The following SYCP2L variants were observed in gnomAD, a reference collection of about 807,000 sequenced individuals.
SYCP2L encodes synaptonemal complex protein 2-like.
A neutral mutation model predicts 125.8 loss-of-function variants in SYCP2L; 98 were observed. That is an observed-to-expected ratio of 0.78 (90% CI 0.66 to 0.92). SYCP2L has a LOEUF of 0.92. Among genes scored for constraint, SYCP2L ranks in the 40% least tolerant of loss-of-function variants. The pLI, the probability that SYCP2L is intolerant of heterozygous loss-of-function variation, is 0.00. For missense variants in SYCP2L, 842 were observed against 936.4 expected, an observed-to-expected ratio of 0.90 and a Z score of 1.32; for synonymous variants, 317 against 325.4, an observed-to-expected ratio of 0.97 and a Z score of 0.28.
At chr6:10,901,878 A>G (rs746855629) in intron 6 of SYCP2L, among the ~76,000 whole-genome samples, 30 of 152,372 alleles carry the variant, frequency 2.0e-4, no homozygotes, top group South Asian at 1.0e-3. Context: ...CTGCAGCCCA[A>G]AATTTCAGTT....
intron 14 of SYCP2L, among the ~76,000 whole-genome samples, chr6:10,920,506 C>T (rs536651725): frequency 2.4e-4 from 36 of 152,286 alleles, no homozygotes; most frequent in Middle Eastern, 3.4e-3. Context: ...CGTGAGACAC[C>T]GTGCCTGGCC....
intron 20 of SYCP2L, among the ~76,000 whole-genome samples, chr6:10,933,228 C>T (rs551359318): frequency 1.3e-5 from 2 of 152,142 alleles, no homozygotes; most frequent in African/African-American, 4.8e-5. Flanking sequence ...CTGTAAAGGG[C>T]CAGATAGTAA....
At chr6:10,906,085 A>G (rs751251434) in intron 9 of SYCP2L, 31 bp downstream of exon 9, 2 of 1,394,990 alleles carry the variant, frequency 1.4e-6, no homozygotes, top group Non-Finnish European at 1.0e-6. Flanking sequence ...CAGTATTAGA[A>G]TATTAAATAT....
chr6:10,956,488 T>C (rs1241113622), intron 25 of SYCP2L, among the ~76,000 whole-genome samples: 1 of 152,192 alleles, frequency 6.6e-6, no homozygotes, highest in Non-Finnish European at 1.5e-5. Flanking sequence ...ACATACAGCA[T>C]GGTGACTATA....
At position 10,930,447 on chromosome 6, in the gene SYCP2L, C is replaced by T. The variant is rs752503898; in HGVS notation, c.1566C>T (p.Asn522=). The change falls in exon 19 of 30, where the codon AAC becomes AAT. Residue 522 remains asparagine, a synonymous_variant. Transcript: ENST00000283141. ...CCAGTGAACTATCTTGGACCAGTAACCAGAAAAAGAAATCCCTAAAATCAT... is the reference window on the plus strand; with the variant it reads ...CCAGTGAACTATCTTGGACCAGTAATCAGAAAAAGAAATCCCTAAAATCAT... ...SSTSELSWTS[N]QKKKSLKSYS... 10 of 1,613,508 alleles carry T rather than the reference C, an allele frequency of 6.2e-6. No homozygotes were observed. Among genetic ancestry groups the T allele is most frequent in the South Asian group, 4.4e-5 (4 of 90,996 alleles).
Position 10,901,805 on chromosome 6 carries a change from C to T in SYCP2L, c.467-872C>T, listed in dbSNP as rs140101056. Among the ~76,000 whole-genome samples the T allele has an allele frequency of 5.3e-3, 803 of 152,336 alleles. 4 individuals are homozygous for T. The highest frequency in any genetic ancestry group is 9.0e-3 in the Non-Finnish European group (615 of 68,034). On this transcript the variant is annotated intron_variant, in intron 6 of 29. Coordinates refer to ENST00000283141, the MANE Select transcript of SYCP2L (RefSeq NM_001040274.3). ...TTAAATGATAAAGACAACTTACTGG[C>T]TCAAGGGACTGAAAAGTCTAGAGGT...
chr6:10,910,109 AT>A (rs201884159), intron 10 of SYCP2L, 38 bp from the exon 11 acceptor site: 243 of 1,553,764 alleles, frequency 1.6e-4, no homozygotes, highest in Non-Finnish European at 1.7e-4. Flanking sequence ...AGACATCTTG[AT>A]TTTTTTTTAA....
chr6:10,949,354 T>A (rs145148754), intron 23 of SYCP2L, among the ~76,000 whole-genome samples: 2 of 152,304 alleles, frequency 1.3e-5, no homozygotes, highest in African/African-American at 4.8e-5. Flanking sequence ...TTTTTATGTA[T>A]TTTTTAAAAC....
intron 4 of SYCP2L, among the ~76,000 whole-genome samples, chr6:10,897,052 T>C (rs1780269656): frequency 6.6e-6 from 1 of 150,444 alleles, no homozygotes; most frequent in Non-Finnish European, 1.5e-5. Context: ...TTTTTTTTTT[T>C]CTAAGAGTGA....
At position 10,942,721 on chromosome 6, in the gene SYCP2L, T is replaced by A; in HGVS notation, c.1929T>A (p.His643Gln). The change falls in exon 23 of 30, where the codon CAT (histidine) becomes CAA (glutamine). Residue 643 changes from histidine to glutamine, a missense_variant. His to Gln is a conservative substitution (Grantham distance 24). Transcript: ENST00000283141. Reference sequence around the variant, plus strand: ...TAACAGAAAGTACTAGCTTGAAACATAAGCTGAGAAACTTGGAAGACAAAG... The same window carrying A: ...TAACAGAAAGTACTAGCTTGAAACAAAAGCTGAGAAACTTGGAAGACAAAG... ...ESLTESTSLK[H>Q]KLRNLEDKDI... The A allele has an allele frequency of 6.2e-7, 1 of 1,612,138 alleles. No individual in the cohort carries two copies. Among genetic ancestry groups the A allele is most frequent in the Non-Finnish European group, 8.5e-7 (1 of 1,179,448 alleles).
intron 12 of SYCP2L, among the ~76,000 whole-genome samples, chr6:10,911,527 G>C (rs1780605978): frequency 6.6e-6 from 1 of 152,146 alleles, no homozygotes; most frequent in East Asian, 1.9e-4. Context: ...GCCTCTCAGA[G>C]CTAAACTTTC....
In SYCP2L at chr6:10,893,884, G is replaced by T; in HGVS notation, c.96G>T (p.Thr32=). 1 of 1,609,022 alleles carries T rather than the reference G, an allele frequency of 6.2e-7. No homozygotes were observed. Among genetic ancestry groups the T allele is most frequent in the Non-Finnish European group, 8.5e-7 (1 of 1,179,022 alleles). ...DDAFWLQSLI[T]DAFHDKGFQK... Reference sequence around the variant, plus strand: ...CTTTCCAGCTTCAATCACTTATTACGGATGCATTCCATGATAAAGGATTTC... The same window carrying T: ...CTTTCCAGCTTCAATCACTTATTACTGATGCATTCCATGATAAAGGATTTC... The change falls in exon 3 of 30, where the codon ACG becomes ACT. Residue 32 remains threonine, a synonymous_variant. Transcript: ENST00000283141.
intron 28 of SYCP2L, among the ~76,000 whole-genome samples, chr6:10,962,359 A>G (rs537702784): frequency 5.5e-4 from 80 of 145,836 alleles, no homozygotes; most frequent in Non-Finnish European, 4.2e-4. Context: ...TTTTACTCCA[A>G]TTACCACAGT....
At position 10,910,808 on chromosome 6, in the gene SYCP2L, G is replaced by C; in HGVS notation, c.873-16G>C. The C allele has an allele frequency of 9.3e-6, 15 of 1,613,602 alleles. No individual in the cohort carries two copies. The highest frequency in any genetic ancestry group is 8.0e-5 in the African/African-American group (6 of 74,996). On this transcript the variant is annotated splice_polypyrimidine_tract_variant and intron_variant, in intron 11 of 29. Coordinates refer to ENST00000283141, the MANE Select transcript of SYCP2L (RefSeq NM_001040274.3). ...TCATTCATGTTTTATTTTTTTAATT[G>C]TGAGGTATTTTGCAGGGTGTATTCA...
intron 15 of SYCP2L, among the ~76,000 whole-genome samples, 170 bp downstream of exon 15, chr6:10,924,811 CT>C (rs1780869429): frequency 2.6e-5 from 4 of 152,250 alleles, no homozygotes; most frequent in African/African-American, 9.6e-5. Flanking sequence ...CCAGTTTTCC[CT>C]TTTGATGGGT....
chr6:10,910,796 A>AT, intron 11 of SYCP2L, 28 bp from the exon 12 acceptor site: 1 of 1,612,636 alleles, frequency 6.2e-7, no homozygotes. Context: ...TTCATGTTTT[A>AT]TTTTTTTAAT....
intron 21 of SYCP2L, among the ~76,000 whole-genome samples, chr6:10,938,389 T>A (rs1424570935): frequency 6.6e-6 from 1 of 152,086 alleles, no homozygotes; most frequent in Non-Finnish European, 1.5e-5. Context: ...ACAAATTAAG[T>A]ACATATAGAA....
intron 10 of SYCP2L, among the ~76,000 whole-genome samples, chr6:10,909,025 A>G (rs1037378691): frequency 6.6e-6 from 1 of 150,870 alleles, no homozygotes; most frequent in South Asian, 2.1e-4. Context: ...GTCATTTCTC[A>G]TTTGCAGGAA....
chr6:10,932,814 T>A (rs1465711540), intron 20 of SYCP2L, among the ~76,000 whole-genome samples: 1 of 152,206 alleles, frequency 6.6e-6, no homozygotes, highest in African/African-American at 2.4e-5. Context: ...AGTGCAGTAG[T>A]GCGATCTCAG....
Sources: gnomAD v4.1 joint callset for allele counts (sites outside exome capture counted in the v4.1 genomes callset) on GRCh38, gnomAD v4.1.1 for gene constraint, MANE v1.5 for transcripts, NCBI Gene and HGNC (gene_info 2026-07-23, HGNC 2026-07-21) for gene names.